The following SOS1 variants were observed in gnomAD, a reference collection of about 807,000 sequenced individuals.
SOS1 encodes the protein SOS Ras/Rac guanine nucleotide exchange factor 1.
Under a neutral mutation model 157.6 loss-of-function variants are expected in SOS1, and 25 were observed. That is an observed-to-expected ratio of 0.16 (90% CI 0.12 to 0.22). The LOEUF is 0.22. Ranked by LOEUF, SOS1 falls within the 10% of genes least tolerant of loss-of-function variation. The pLI is 1.00. For synonymous variants in SOS1, 528 were observed against 534.0 expected (o/e 0.99, Z 0.16); for missense variants, 1,237 against 1,599.1 (o/e 0.77, Z 3.86).
intron 1 of SOS1, among the ~76,000 whole-genome samples, chr2:39,092,257 T>A (rs1558509666): frequency 1.3e-5 from 2 of 152,114 alleles, no homozygotes. Context: ...TGGAGTGTAG[T>A]GGGAGGATCA....
intron 2 of SOS1, among the ~76,000 whole-genome samples, chr2:39,059,698 A>T (rs1158074580): frequency 1.3e-5 from 2 of 152,172 alleles, no homozygotes; most frequent in Non-Finnish European, 2.9e-5. Context: ...ATGGAAAATT[A>T]AAAAAGTGTG....
At chr2:39,079,759 C>G (rs1322719605) in intron 1 of SOS1, among the ~76,000 whole-genome samples, 1 of 152,062 alleles carries the variant, frequency 6.6e-6, no homozygotes, top group Non-Finnish European at 1.5e-5. Context: ...TCCCAAAGTG[C>G]TGGGATTACA....
intron 17 of SOS1, among the ~76,000 whole-genome samples, chr2:38,999,313 G>T (rs1248323659): frequency 6.6e-6 from 1 of 152,186 alleles, no homozygotes; most frequent in East Asian, 1.9e-4. Context: ...AGAGTGGCAG[G>T]ATATGAGGAT....
intron 8 of SOS1, 113 bp downstream of exon 8, chr2:39,035,097 GAA>G: frequency 1.4e-6 from 1 of 715,404 alleles, no homozygotes; most frequent in East Asian, 2.7e-5. Context: ...ACTGGAAAAA[GAA>G]AACAGAAACA....
Position 39,120,663 on chromosome 2 carries a change from C to G in SOS1, c.-241G>C, listed in dbSNP as rs1207644830. The stretch of plus-strand genomic sequence containing the variant: ...AACGGACGCGGCCCGGAGGCGGCGG[C>G]ATCCCGCACCACCGCCCCGGGGCCA... On this transcript the variant is annotated 5_prime_UTR_variant, in exon 1 of 23. The change abolishes an upstream ATG in the 5' untranslated region. Transcript: ENST00000402219. Among the ~76,000 whole-genome samples the G allele has an allele frequency of 6.8e-6, 1 of 146,996 alleles. No homozygotes were observed.
At chr2:39,096,341 AATCTGTGCCCC>A (rs1468393916) in intron 1 of SOS1, among the ~76,000 whole-genome samples, 7 of 152,334 alleles carry the variant, frequency 4.6e-5, no homozygotes, top group African/African-American at 1.7e-4. Flanking sequence ...TATTGATGGA[AATCTGTGCCCC>A]ATCTCACTAG....
chr2:39,111,316 T>C (rs1337096758), intron 1 of SOS1, among the ~76,000 whole-genome samples: 3 of 152,170 alleles, frequency 2.0e-5, no homozygotes, highest in African/African-American at 7.2e-5. Flanking sequence ...AAAATTGTAA[T>C]AAAATGTTAA....
At chr2:39,082,544 T>A (rs1672241995) in intron 1 of SOS1, 1 of 152,074 alleles carries the variant, frequency 6.6e-6, no homozygotes, top group South Asian at 2.1e-4. Flanking sequence ...TTTATTAGAG[T>A]ACAGGTTGAA....
intron 15 of SOS1, 88 bp downstream of exon 15, chr2:39,010,496 C>A (rs1010941362): frequency 8.0e-7 from 1 of 1,254,644 alleles, no homozygotes; most frequent in South Asian, 1.2e-5. Context: ...AGCAAAACTC[C>A]GTCTCAAAAA....
In SOS1 at chr2:38,986,105, T is replaced by C. The variant is rs367693130; in HGVS notation, c.3721A>G (p.Lys1241Glu). Residue 1241 changes from lysine to glutamate, a missense_variant, in exon 23 of 23, where the codon AAA becomes GAA. Coordinates refer to ENST00000402219, the MANE Select transcript of SOS1 (RefSeq NM_005633.4). ...AAGAAGGCATTGCCATGGTCACTTT[T>C]TTTGCCCAAAGGGGGAGGTTGGAGA... Reference protein sequence around the residue: ...LHLQPPPLGKKSDHGNAFFPN... With the variant: ...LHLQPPPLGKESDHGNAFFPN... The C allele has an allele frequency of 5.8e-5, 93 of 1,613,624 alleles. No homozygotes were observed. The highest frequency in any genetic ancestry group is 7.4e-5 in the Non-Finnish European group (87 of 1,179,878).
rs1668545674 is a variant in SOS1, at chr2:38,986,018, T to C, written c.3808A>G (p.Arg1270Gly). 6.2e-7 allele frequency: 1 copy of C among 1,613,956 alleles called. No homozygotes were observed. Among genetic ancestry groups the C allele is most frequent in the Non-Finnish European group, 8.5e-7 (1 of 1,179,888 alleles). The change falls in exon 23 of 23, where the codon AGA becomes GGA. Residue 1270 changes from arginine (R) to glycine (G), a missense_variant. Transcript: ENST00000402219. The stretch of plus-strand genomic sequence containing the variant: ...AATGGTGGTGATGGCAGATGCCTTC[T>C]TGTGCCGTGAGGAGAAGGTGTTTGA... ...PPQTPSPHGT[R>G]RHLPSPPLTQ... is the part of the protein sequence containing the mutation.
intron 17 of SOS1, among the ~76,000 whole-genome samples, chr2:39,004,619 A>ATTATATGAACTTTC (rs1669226185): frequency 2.6e-5 from 4 of 152,112 alleles, no homozygotes; most frequent in African/African-American, 9.7e-5. Context: ...TTATTACTAG[A>ATTATATGAACTTTC]TTATATGAAC....
rs77819063 is a variant in SOS1, at chr2:39,001,625, G to A, written c.2792-4200C>T. 1.5e-3 allele frequency among the ~76,000 whole-genome samples: 225 copies of A among 152,298 alleles called. 1 individual carries two copies. The highest frequency in any genetic ancestry group is 0.012 in the East Asian group (60 of 5,190). On this transcript the variant is annotated intron_variant, in intron 17 of 22. Coordinates refer to ENST00000402219, the MANE Select transcript of SOS1 (RefSeq NM_005633.4). ...AACCAGTATCCAGAATTTAGGAAAA[G>A]AATCTGGAAGGAGTTTCTATAAACT...
Position 38,983,548 on chromosome 2 carries a change from G to A in SOS1, c.*2276C>T, listed in dbSNP as rs563083466. ...CAAATCTGAATTTTTCCTCTTTATAGACTAGATAGGTTGAAAAGGGGTTAT... is the reference window on the plus strand; with the variant it reads ...CAAATCTGAATTTTTCCTCTTTATAAACTAGATAGGTTGAAAAGGGGTTAT... On this transcript the variant is annotated 3_prime_UTR_variant, in exon 23 of 23. Transcript: ENST00000402219. 6.9e-6 allele frequency: 1 copy of A among 144,522 alleles called. No homozygotes were observed. The highest frequency in any genetic ancestry group is 2.5e-5 in the African/African-American group (1 of 40,262). The allele number at this position is 144,522 out of a possible 1,614,324, so 9.0% of individuals were successfully genotyped here.
intron 1 of SOS1, among the ~76,000 whole-genome samples, chr2:39,114,290 GTTCTT>G (rs908787090): frequency 8.7e-5 from 13 of 149,248 alleles, no homozygotes; most frequent in Admixed American, 4.0e-4. Context: ...TTTTCTTTTT[GTTCTT>G]TTCTTTTTTT....
rs544513945 is a variant in SOS1, at chr2:38,985,513, T to A, written c.*311A>T. 14 of 330,974 alleles carry A rather than the reference T, an allele frequency of 4.2e-5. No individual in the cohort carries two copies. The highest frequency in any genetic ancestry group is 2.1e-4 in the African/African-American group (10 of 47,472). The allele number at this position is 330,974 out of a possible 1,614,324, so 20.5% of individuals were successfully genotyped here. On this transcript the variant is annotated 3_prime_UTR_variant, in exon 23 of 23. Transcript: ENST00000402219. ...ACTGTGTTTTCCATCCCTTTAATGA[T>A]CACTTCACAAAAGATCACTTCACAA...
intron 1 of SOS1, among the ~76,000 whole-genome samples, chr2:39,109,247 C>T (rs1445088436): frequency 6.6e-6 from 1 of 152,104 alleles, no homozygotes; most frequent in Non-Finnish European, 1.5e-5. Flanking sequence ...ATGTCACTTC[C>T]ATCACTTCCA....
chr2:39,102,860 T>G (rs1673022768), intron 1 of SOS1, among the ~76,000 whole-genome samples: 2 of 151,854 alleles, frequency 1.3e-5, no homozygotes, highest in South Asian at 4.2e-4. Flanking sequence ...GAGGCTGAGA[T>G]GGGAAGATTG....
rs1040376066 is a variant in SOS1, at chr2:39,055,238, A to G, written c.511-415T>C. Among the ~76,000 whole-genome samples, 3 of 152,158 alleles carry G rather than the reference A, an allele frequency of 2.0e-5. No individual in the cohort carries two copies. The East Asian group carries it at 5.8e-4, about 29-fold the overall frequency. On this transcript the variant is annotated intron_variant, in intron 4 of 22. Coordinates refer to ENST00000402219, the MANE Select transcript of SOS1 (RefSeq NM_005633.4). ...GCCGATTTTCCTACATTTGTTGGGA[A>G]TAGGTCAAAATAAGCTATTATTTTC...
Sources: gnomAD v4.1 joint callset for allele counts (sites outside exome capture counted in the v4.1 genomes callset) on GRCh38, gnomAD v4.1.1 for gene constraint, MANE v1.5 for transcripts, NCBI Gene and HGNC (gene_info 2026-07-23, HGNC 2026-07-21) for gene names.